ARHGAP15: variants seen among roughly 807,000 people sequenced by gnomAD.
ARHGAP15 encodes the protein rho GTPase-activating protein 15.
Under a neutral mutation model 63.7 loss-of-function variants are expected in ARHGAP15, and 51 were observed. That is an observed-to-expected ratio of 0.80 (90% CI 0.64 to 1.01). The LOEUF is 1.01. ARHGAP15 is among the 50% of genes least tolerant of loss of function. The pLI is 0.00. For missense variants in ARHGAP15, 560 were observed against 564.6 expected (o/e 0.99, Z 0.08); for synonymous variants, 191 against 193.8 (o/e 0.99, Z 0.12).
chr2:143,374,580 C>T (rs1686720405), intron 6 of ARHGAP15, among the ~76,000 whole-genome samples: 1 of 152,104 alleles, frequency 6.6e-6, no homozygotes, highest in Non-Finnish European at 1.5e-5. Flanking sequence ...TCTTGGCTCA[C>T]TGCAGCCTCA....
At chr2:143,204,546 C>T (rs1235695430) in intron 3 of ARHGAP15, among the ~76,000 whole-genome samples, 2 of 152,050 alleles carry the variant, frequency 1.3e-5, no homozygotes, top group African/African-American at 4.8e-5. Context: ...ACCTAATTAC[C>T]TCCTAGTAAC....
intron 2 of ARHGAP15, among the ~76,000 whole-genome samples, chr2:143,191,254 T>A (rs16858762): frequency 0.17 from 25,660 of 152,242 alleles, 2,348 homozygotes; most frequent in Middle Eastern, 0.25. Context: ...TTGAAAATTC[T>A]ATCTTATTTC....
intron 12 of ARHGAP15, among the ~76,000 whole-genome samples, chr2:143,683,144 C>T (rs1683182766): frequency 6.6e-6 from 1 of 152,040 alleles, no homozygotes; most frequent in Non-Finnish European, 1.5e-5. Context: ...ATTCTGTGAC[C>T]TTTTTTTCTC....
chr2:143,754,610 C>T (rs1686503160), intron 13 of ARHGAP15, among the ~76,000 whole-genome samples: 1 of 152,182 alleles, frequency 6.6e-6, no homozygotes, highest in African/African-American at 2.4e-5. Flanking sequence ...GAGAAGAATA[C>T]AGATCTGTCT....
intron 6 of ARHGAP15, among the ~76,000 whole-genome samples, chr2:143,312,210 T>C (rs557829828): frequency 6.6e-6 from 1 of 152,282 alleles, no homozygotes; most frequent in Non-Finnish European, 1.5e-5. Context: ...CTTTCTATAA[T>C]GGCATCTCTG....
intron 6 of ARHGAP15, among the ~76,000 whole-genome samples, chr2:143,277,223 A>G (rs1681604156): frequency 6.6e-6 from 1 of 152,122 alleles, no homozygotes; most frequent in Admixed American, 6.6e-5. Context: ...AACAAGAAAT[A>G]AAGTCGTTTA....
At chr2:143,482,624 G>T (rs1252447564) in intron 8 of ARHGAP15, among the ~76,000 whole-genome samples, 3 of 152,124 alleles carry the variant, frequency 2.0e-5, no homozygotes, top group African/African-American at 7.2e-5. Flanking sequence ...GAACAATTTG[G>T]CAAGTTTTTC....
At chr2:143,266,607 T>G (rs1048665943) in intron 6 of ARHGAP15, among the ~76,000 whole-genome samples, 7 of 152,178 alleles carry the variant, frequency 4.6e-5, no homozygotes, top group African/African-American at 1.7e-4. Context: ...AAATGAAACA[T>G]TTCTGAGATA....
intron 13 of ARHGAP15, among the ~76,000 whole-genome samples, chr2:143,739,659 T>C (rs1185680208): frequency 6.6e-6 from 1 of 152,212 alleles, no homozygotes; most frequent in Non-Finnish European, 1.5e-5. Context: ...AACCCACAAC[T>C]CACTCATGCC....
At chr2:143,140,129 T>C (rs141643876) in intron 1 of ARHGAP15, among the ~76,000 whole-genome samples, 1 of 152,134 alleles carries the variant, frequency 6.6e-6, no homozygotes. Context: ...GCTATGATAA[T>C]TTTGGTTTAT....
Position 143,426,061 on chromosome 2 carries a change from TC to T in ARHGAP15, c.475-9537del, listed in dbSNP as rs879228350. On this transcript the variant is annotated intron_variant, in intron 6 of 13. Coordinates refer to ENST00000295095, the MANE Select transcript of ARHGAP15 (RefSeq NM_018460.4). ...AAGGGCCATTCCTAGTTCTGCTATTTCCCAGGACAGAGTATCAGGAATCATG... is the reference window on the plus strand; with the variant it reads ...AAGGGCCATTCCTAGTTCTGCTATTTCCAGGACAGAGTATCAGGAATCATG... 9.9e-5 allele frequency among the ~76,000 whole-genome samples: 15 copies of T among 152,152 alleles called. 2 individuals carry two copies. The highest frequency in any genetic ancestry group is 9.8e-4 in the Admixed American group (15 of 15,248).
At chr2:143,757,533 T>C (rs1440983430) in intron 13 of ARHGAP15, among the ~76,000 whole-genome samples, 2 of 151,746 alleles carry the variant, frequency 1.3e-5, no homozygotes, top group African/African-American at 2.4e-5. Flanking sequence ...TATATATATA[T>C]ACACATACAT....
intron 12 of ARHGAP15, among the ~76,000 whole-genome samples, chr2:143,657,141 T>C (rs1278859717): frequency 6.6e-6 from 1 of 152,084 alleles, no homozygotes; most frequent in East Asian, 1.9e-4. Flanking sequence ...GGTCAGGAGA[T>C]CGAGACCATC....
chr2:143,199,467 A>G (rs1692018359), intron 2 of ARHGAP15, among the ~76,000 whole-genome samples: 1 of 152,102 alleles, frequency 6.6e-6, no homozygotes, highest in African/African-American at 2.4e-5. Flanking sequence ...AGTGAGCTTT[A>G]CTGGCCTATG....
chr2:143,255,717 C>A (rs1408560411), intron 6 of ARHGAP15, among the ~76,000 whole-genome samples: 1 of 152,036 alleles, frequency 6.6e-6, no homozygotes, highest in Non-Finnish European at 1.5e-5. Flanking sequence ...CGAGCTTTTA[C>A]CAATTTTCTT....
Position 143,519,279 on chromosome 2 carries a change from C to G in ARHGAP15, c.840C>G (p.Gly280=). Residue 280 remains glycine, a synonymous_variant, in exon 10 of 14, where the codon GGC becomes GGG. Transcript: ENST00000295095. ...TTTCTTTTGCAGATCAAATTTTTGGCTCTCATCTGCACAAAGTGTGTGAAC... is the reference window on the plus strand; with the variant it reads ...TTTCTTTTGCAGATCAAATTTTTGGGTCTCATCTGCACAAAGTGTGTGAAC... ...EKGLIKDQIF[G]SHLHKVCERE... 1 of 1,612,562 alleles carries G rather than the reference C, an allele frequency of 6.2e-7. No homozygotes were observed.
At chr2:143,756,098 T>C (rs1045692751) in intron 13 of ARHGAP15, among the ~76,000 whole-genome samples, 11 of 152,296 alleles carry the variant, frequency 7.2e-5, no homozygotes, top group African/African-American at 2.6e-4. Flanking sequence ...GAGACAATTT[T>C]CAAGAAAACT....
chr2:143,713,289 C>T (rs1200353003), intron 13 of ARHGAP15, among the ~76,000 whole-genome samples: 1 of 152,112 alleles, frequency 6.6e-6, no homozygotes, highest in African/African-American at 2.4e-5. Flanking sequence ...AATGGAAACC[C>T]CTGACAAACC....
At chr2:143,307,225 C>A (rs1683214126) in intron 6 of ARHGAP15, among the ~76,000 whole-genome samples, 1 of 152,102 alleles carries the variant, frequency 6.6e-6, no homozygotes, top group African/African-American at 2.4e-5. Context: ...AAGCAGCCTT[C>A]TGATTAACTC....
Sources: allele counts gnomAD v4.1 joint callset (sites outside exome capture counted in the v4.1 genomes callset), GRCh38; gene constraint gnomAD v4.1.1; transcripts MANE v1.5; gene names NCBI Gene and HGNC (gene_info 2026-07-23, HGNC 2026-07-21).